The following CNTNAP2 variants were observed in gnomAD, a reference collection of about 807,000 sequenced individuals.
CNTNAP2 encodes contactin associated protein 2, also known as contactin-associated protein-like 2.
Under a neutral mutation model 155.2 loss-of-function variants are expected in CNTNAP2, and 98 were observed. The observed-to-expected ratio is 0.63, with a 90% confidence interval of 0.54 to 0.75. CNTNAP2 has a LOEUF of 0.75. CNTNAP2 is among the 30% of genes least tolerant of loss of function. The pLI is 0.00. For missense variants in CNTNAP2, 1,727 were observed against 1,688.1 expected (o/e 1.02, Z -0.40); for synonymous variants, 651 against 631.2 (o/e 1.03, Z -0.47).
intron 15 of CNTNAP2, among the ~76,000 whole-genome samples, chr7:148,017,127 G>C (rs1026132623): frequency 6.6e-6 from 1 of 152,194 alleles, no homozygotes; most frequent in African/African-American, 2.4e-5. Context: ...GTCCTGCCCG[G>C]ATCTCAGCAC....
chr7:148,065,675 A>G (rs1301639814), intron 15 of CNTNAP2, among the ~76,000 whole-genome samples: 1 of 152,168 alleles, frequency 6.6e-6, no homozygotes, highest in Admixed American at 6.5e-5. Flanking sequence ...CATTTATGTG[A>G]GTCCTTATGT....
chr7:147,012,438 G>T (rs1288545851), intron 3 of CNTNAP2, among the ~76,000 whole-genome samples: 4 of 152,088 alleles, frequency 2.6e-5, no homozygotes, highest in Non-Finnish European at 4.4e-5. Flanking sequence ...GTTTAAAATT[G>T]TCTGAAAAAG....
At chr7:146,977,949 C>T (rs1030465749) in intron 3 of CNTNAP2, among the ~76,000 whole-genome samples, 5 of 152,016 alleles carry the variant, frequency 3.3e-5, no homozygotes, top group African/African-American at 1.2e-4. Context: ...GGATTGAAGA[C>T]TGTGTAAAGA....
chr7:147,455,931 A>G (rs1330690192), intron 10 of CNTNAP2, among the ~76,000 whole-genome samples: 1 of 152,148 alleles, frequency 6.6e-6, no homozygotes, highest in Non-Finnish European at 1.5e-5. Flanking sequence ...CAATATCATA[A>G]TCTCCAGAGA....
intron 13 of CNTNAP2, among the ~76,000 whole-genome samples, chr7:147,669,222 G>GGACATATGACTA (rs138993187): frequency 0.041 from 6,135 of 151,296 alleles, 135 homozygotes; most frequent in Middle Eastern, 0.13. Context: ...CACTGTTAAG[G>GGACATATGACTA]GACACAAAAT....
chr7:147,199,086 C>T (rs951848815), intron 8 of CNTNAP2, among the ~76,000 whole-genome samples: 12 of 151,708 alleles, frequency 7.9e-5, no homozygotes, highest in Admixed American at 2.0e-4. Context: ...CTCAGCCTCC[C>T]GTGTAGCTGG....
At chr7:148,202,765 A>T (rs1246664204) in intron 18 of CNTNAP2, among the ~76,000 whole-genome samples, 1 of 152,244 alleles carries the variant, frequency 6.6e-6, no homozygotes, top group African/African-American at 2.4e-5. Context: ...TTCCCCAGAT[A>T]AATTACACAC....
intron 10 of CNTNAP2, among the ~76,000 whole-genome samples, chr7:147,417,622 T>A (rs1446089651): frequency 6.6e-6 from 1 of 152,186 alleles, no homozygotes; most frequent in East Asian, 1.9e-4. Context: ...TTGGAAAACT[T>A]CCTTTCCTTT....
chr7:146,624,127 TG>T (rs1253324020), intron 1 of CNTNAP2, among the ~76,000 whole-genome samples: 1 of 152,078 alleles, frequency 6.6e-6, no homozygotes, highest in African/African-American at 2.4e-5. Flanking sequence ...TTCTTAAGGC[TG>T]GGTTTCAAGA....
chr7:147,450,017 C>G (rs935293784), intron 10 of CNTNAP2, among the ~76,000 whole-genome samples: 1 of 152,136 alleles, frequency 6.6e-6, no homozygotes, highest in Non-Finnish European at 1.5e-5. Flanking sequence ...TTGTAAATCC[C>G]CCAACCAAGG....
chr7:146,272,332 C>T (rs914804204), intron 1 of CNTNAP2, among the ~76,000 whole-genome samples: 7 of 152,106 alleles, frequency 4.6e-5, no homozygotes, highest in African/African-American at 1.7e-4. Context: ...TACTTTCCAC[C>T]CTGTCTCTCC....
At chr7:148,034,175 G>A (rs1422099314) in intron 15 of CNTNAP2, among the ~76,000 whole-genome samples, 2 of 152,178 alleles carry the variant, frequency 1.3e-5, no homozygotes, top group Non-Finnish European at 2.9e-5. Flanking sequence ...GAGATAAAGT[G>A]AACAGATGAA....
intron 18 of CNTNAP2, among the ~76,000 whole-genome samples, chr7:148,194,680 G>A (rs142655323): frequency 8.5e-5 from 13 of 152,134 alleles, no homozygotes; most frequent in Admixed American, 1.3e-4. Flanking sequence ...AGTCCAAGAC[G>A]AGAGGCCTAA....
intron 3 of CNTNAP2, among the ~76,000 whole-genome samples, chr7:147,026,400 C>T (rs192111021): frequency 6.6e-6 from 1 of 152,054 alleles, no homozygotes; most frequent in Admixed American, 6.5e-5. Context: ...AAAATATTAC[C>T]ACATCTAAAT....
intron 13 of CNTNAP2, among the ~76,000 whole-genome samples, chr7:147,901,011 T>C (rs781542462): frequency 6.6e-6 from 1 of 152,140 alleles, no homozygotes; most frequent in South Asian, 2.1e-4. Context: ...TCCTTCCCTG[T>C]GCCCTACCTT....
chr7:148,093,669 T>G (rs1412895700), intron 15 of CNTNAP2, among the ~76,000 whole-genome samples: 1 of 152,232 alleles, frequency 6.6e-6, no homozygotes, highest in Non-Finnish European at 1.5e-5. Flanking sequence ...CATCAGCAAC[T>G]GAATGTAGGT....
At chr7:147,353,506 G>A (rs145221969) in intron 9 of CNTNAP2, among the ~76,000 whole-genome samples, 34,549 of 151,918 alleles carry the variant, frequency 0.23, 4,317 homozygotes, top group Non-Finnish European at 0.28. Flanking sequence ...ATAGTATTCC[G>A]TGGTGTATAT....
chr7:146,364,623 T>C (rs953925145), intron 1 of CNTNAP2, among the ~76,000 whole-genome samples: 1 of 152,188 alleles, frequency 6.6e-6, no homozygotes, highest in Non-Finnish European at 1.5e-5. Flanking sequence ...GTTAAAGGAC[T>C]CCGTATGACT....
intron 15 of CNTNAP2, among the ~76,000 whole-genome samples, chr7:148,081,778 A>C (rs1199190841): frequency 6.6e-6 from 1 of 152,048 alleles, no homozygotes; most frequent in Non-Finnish European, 1.5e-5. Context: ...CTGAGGCCTG[A>C]GGGGGTAGTA....
Sources: gnomAD v4.1 joint callset for allele counts (sites outside exome capture counted in the v4.1 genomes callset) on GRCh38, gnomAD v4.1.1 for gene constraint, MANE v1.5 for transcripts, NCBI Gene and HGNC (gene_info 2026-07-23, HGNC 2026-07-21) for gene names.